The following STS variants were observed in gnomAD, a reference collection of about 807,000 sequenced individuals.
The protein encoded by STS is steroid sulfatase.
A neutral mutation model predicts 26.8 loss-of-function variants in STS; 7 were observed. The ratio of observed to expected loss-of-function variants is 0.26; its 90% CI spans 0.15 to 0.49. The LOEUF (loss-of-function observed/expected upper bound fraction) is 0.49. Among genes scored for constraint, STS ranks in the 20% least tolerant of loss-of-function variants. The pLI, the probability that STS is intolerant of heterozygous loss-of-function variation, is 0.98. For synonymous variants in STS, 199 were observed against 189.4 expected, an observed-to-expected ratio of 1.05 and a Z score of -0.42; for missense variants, 434 against 465.6, an observed-to-expected ratio of 0.93 and a Z score of 0.63.
At chrX:7,227,173 A>G (rs1224964195) in intron 2 of STS, among the ~76,000 whole-genome samples, 1 of 111,768 alleles carries the variant, frequency 8.9e-6, no homozygotes, top group African/African-American at 3.3e-5. Flanking sequence ...TTCTTTACAT[A>G]TTCTGGATAT....
chrX:7,254,142 G>C (rs1192582301), intron 3 of STS, among the ~76,000 whole-genome samples: 2 of 111,252 alleles, frequency 1.8e-5, no homozygotes, highest in African/African-American at 6.6e-5. Context: ...ATCTGAATCT[G>C]GGGGGGACAC....
chrX:7,212,308 A>G (rs1921066185), intron 2 of STS, among the ~76,000 whole-genome samples: 1 of 110,138 alleles, frequency 9.1e-6, no homozygotes, highest in East Asian at 2.8e-4. Context: ...CATCTCTACT[A>G]AAAAATACAA....
Position 7,205,541 on chromosome X carries a change from G to C in STS, c.-5+14533G>C, listed in dbSNP as rs755680878. ...AGGGGCCAATGCAACTGTGTCTGGAGGGGTTGGCTGGTATAAAACTGTAGG... is the reference window on the plus strand; with the variant it reads ...AGGGGCCAATGCAACTGTGTCTGGACGGGTTGGCTGGTATAAAACTGTAGG... On this transcript the variant is annotated intron_variant, in intron 2 of 10. Coordinates refer to ENST00000674429, the MANE Select transcript of STS (RefSeq NM_001320752.2). 3.6e-5 allele frequency among the ~76,000 whole-genome samples: 4 copies of C among 111,513 alleles called. No individual in the cohort carries two copies. The East Asian group carries it at 8.5e-4, about 24-fold the overall frequency.
At chrX:7,319,538 C>T (rs1926864048) in intron 8 of STS, among the ~76,000 whole-genome samples, 2 of 109,917 alleles carry the variant, frequency 1.8e-5, no homozygotes, top group South Asian at 3.9e-4. Context: ...CCTTGGCTTC[C>T]CCTGGTGAGC....
rs200983995 is a variant in STS at position 7,191,648 on chromosome X, TC to T, written c.-5+645del. Among the ~76,000 whole-genome samples, 57 of 111,277 alleles carry T rather than the reference TC, an allele frequency of 5.1e-4. No individual in the cohort carries two copies. In the East Asian group the frequency reaches 0.01, roughly 20 times the overall value. On this transcript the variant is annotated intron_variant, in intron 2 of 10. Coordinates refer to ENST00000674429, the MANE Select transcript of STS (RefSeq NM_001320752.2). ...GGTCCCTCCCTGCAGGAAGAGCTCT[TC>T]CCCCTGGTGGAGGTGGGGTCTGAGG...
chrX:7,219,631 C>G (rs1219137946), intron 2 of STS: 13 of 1,209,467 alleles, frequency 1.1e-5, no homozygotes, highest in Admixed American at 2.2e-5. Context: ...TTGCAATCTC[C>G]TCCATCACAG....
intron 1 of STS, among the ~76,000 whole-genome samples, chrX:7,175,790 A>G (rs1933559593): frequency 9.0e-6 from 1 of 111,452 alleles, no homozygotes; most frequent in African/African-American, 3.3e-5. Flanking sequence ...GGGGTCCTCC[A>G]TTATCCAGTT....
At chrX:7,161,974 G>A (rs781483571) in intron 1 of STS, among the ~76,000 whole-genome samples, 1 of 111,268 alleles carries the variant, frequency 9.0e-6, no homozygotes, top group East Asian at 2.8e-4. Context: ...AAATCTAAAA[G>A]CTTTCAGTGC....
At chrX:7,186,585 C>T (rs771725576) in intron 1 of STS, among the ~76,000 whole-genome samples, 4 of 111,374 alleles carry the variant, frequency 3.6e-5, no homozygotes, top group Non-Finnish European at 7.5e-5. Context: ...ATTGATTGGG[C>T]GAACATCTGG....
At chrX:7,201,148 C>T (rs1379966369) in intron 2 of STS, among the ~76,000 whole-genome samples, 1 of 109,956 alleles carries the variant, frequency 9.1e-6, no homozygotes, top group African/African-American at 3.3e-5. Context: ...GATAGGCAGA[C>T]AGATATGTAG....
intron 2 of STS, among the ~76,000 whole-genome samples, chrX:7,221,798 T>C (rs888835712): frequency 6.2e-5 from 7 of 112,410 alleles, no homozygotes; most frequent in Non-Finnish European, 1.1e-4. Context: ...GCAGTAAATG[T>C]TTATCGGTGG....
chrX:7,241,547 C>T (rs948617063), intron 2 of STS, among the ~76,000 whole-genome samples: 4 of 112,022 alleles, frequency 3.6e-5, no homozygotes, highest in African/African-American at 9.7e-5. Context: ...TTCTGAGACT[C>T]ATTACTAATG....
intron 8 of STS, among the ~76,000 whole-genome samples, chrX:7,317,102 C>T (rs1324281734): frequency 1.8e-5 from 2 of 111,652 alleles, no homozygotes; most frequent in East Asian, 2.8e-4. Flanking sequence ...ATCCTCGCTA[C>T]GCTTGCCTAG....
chrX:7,263,743 T>C (rs1472596517), intron 6 of STS, among the ~76,000 whole-genome samples: 1 of 111,990 alleles, frequency 8.9e-6, no homozygotes, highest in Non-Finnish European at 1.9e-5. Flanking sequence ...ATCTATAGTT[T>C]GGTGTTGTGT....
intron 1 of STS, among the ~76,000 whole-genome samples, chrX:7,163,476 C>G (rs981506217): frequency 8.9e-6 from 1 of 112,029 alleles, no homozygotes; most frequent in African/African-American, 3.2e-5. Flanking sequence ...GGTCATTGGG[C>G]AAGCATTCCC....
intron 1 of STS, among the ~76,000 whole-genome samples, chrX:7,187,353 C>T (rs761085993): frequency 8.9e-6 from 1 of 112,006 alleles, no homozygotes; most frequent in Admixed American, 9.5e-5. Flanking sequence ...GAAGCTTTCA[C>T]GAGAAAGTAG....
At chrX:7,214,970 ATG>A (rs1491258620) in intron 2 of STS, among the ~76,000 whole-genome samples, 2 of 68,712 alleles carry the variant, frequency 2.9e-5, no homozygotes, top group Admixed American at 1.9e-4. Flanking sequence ...TATATTATAT[ATG>A]TATATATACA....
At position 7,203,482 on chromosome X, in the gene STS, T is replaced by C. The variant is rs754174091; in HGVS notation, c.-5+12474T>C. Among the ~76,000 whole-genome samples, 19 of 111,963 alleles carry C rather than the reference T, an allele frequency of 1.7e-4. No individual in the cohort carries two copies. The South Asian group carries it at 7.1e-3, about 42-fold the overall frequency. Reference sequence around the variant, plus strand: ...TTGTAAGCCCAAGTTCATTTTCTTTTTATTCCCACTAGTAAAAACTATCAC... The same window carrying C: ...TTGTAAGCCCAAGTTCATTTTCTTTCTATTCCCACTAGTAAAAACTATCAC... On this transcript the variant is annotated intron_variant, in intron 2 of 10. Coordinates refer to ENST00000674429, the MANE Select transcript of STS (RefSeq NM_001320752.2).
intron 8 of STS, among the ~76,000 whole-genome samples, chrX:7,308,123 G>A (rs1926305241): frequency 8.9e-6 from 1 of 112,015 alleles, no homozygotes; most frequent in African/African-American, 3.2e-5. Flanking sequence ...TCTCATTGGT[G>A]TTTCAGTCTT....
Sources: allele counts gnomAD v4.1 joint callset (sites outside exome capture counted in the v4.1 genomes callset), GRCh38; gene constraint gnomAD v4.1.1; transcripts MANE v1.5; gene names NCBI Gene and HGNC (gene_info 2026-07-23, HGNC 2026-07-21).